Variants in FRMD6 observed in about 807,000 individuals in gnomAD.
FRMD6 encodes the protein FERM domain containing 6.
A neutral mutation model predicts 73.2 loss-of-function variants in FRMD6; 37 were observed. That is an observed-to-expected ratio of 0.51 (90% CI 0.39 to 0.66). FRMD6 has a LOEUF of 0.66. Ranked by LOEUF, FRMD6 falls within the 30% of genes least tolerant of loss-of-function variation. The probability of loss-of-function intolerance (pLI) is 0.00; values close to 1 mark genes in which losing one functional copy is unlikely to be tolerated. For synonymous variants in FRMD6, 273 were observed against 282.2 expected (o/e 0.97, Z 0.33); for missense variants, 714 against 780.5 (o/e 0.91, Z 1.02).
At chr14:51,414,908 T>A in the FRMD6 span, among the ~76,000 whole-genome samples, 4 of 152,102 alleles carry the variant, frequency 2.6e-5, no homozygotes, top group East Asian at 1.9e-4. Context: ...ATTCTCTTTG[T>A]AGCAATTGTG....
intron 2 of FRMD6, among the ~76,000 whole-genome samples, chr14:51,573,387 G>A (rs542495380): frequency 5.7e-4 from 87 of 152,284 alleles, no homozygotes; most frequent in Non-Finnish European, 1.0e-3. Flanking sequence ...GCCAATGAGA[G>A]ACAAAGGAGC....
chr14:51,694,929 T>A (rs1431268992), intron 2 of FRMD6, among the ~76,000 whole-genome samples: 2 of 151,984 alleles, frequency 1.3e-5, no homozygotes, highest in Admixed American at 1.3e-4. Context: ...TATTTAATTA[T>A]AGTTTTTGAA....
At chr14:51,592,317 T>G (rs1168757822) in intron 2 of FRMD6, among the ~76,000 whole-genome samples, 1 of 152,230 alleles carries the variant, frequency 6.6e-6, no homozygotes, top group Non-Finnish European at 1.5e-5. Context: ...TGCTGAACTA[T>G]AGCTCTGTAA....
intron 1 of FRMD6, among the ~76,000 whole-genome samples, chr14:51,541,132 T>C (rs909256190): frequency 2.6e-5 from 4 of 152,116 alleles, no homozygotes; most frequent in African/African-American, 9.7e-5. Context: ...TGAGTACTCA[T>C]AGGCAAGTTT....
At chr14:51,630,538 C>G (rs983852458) in intron 2 of FRMD6, among the ~76,000 whole-genome samples, 1 of 152,130 alleles carries the variant, frequency 6.6e-6, no homozygotes, top group African/African-American at 2.4e-5. Context: ...CTGCTTGAGG[C>G]CAGGCATTTG....
intron 1 of FRMD6, among the ~76,000 whole-genome samples, chr14:51,530,987 G>A (rs768641232): frequency 3.3e-5 from 5 of 152,180 alleles, no homozygotes; most frequent in Non-Finnish European, 7.3e-5. Flanking sequence ...CCAGCATCTG[G>A]TGAGGGTTTT....
chr14:51,620,413 T>C (rs1348087066), intron 2 of FRMD6, among the ~76,000 whole-genome samples: 1 of 151,830 alleles, frequency 6.6e-6, no homozygotes, highest in Non-Finnish European at 1.5e-5. Flanking sequence ...TGGCGCATGG[T>C]TGGGGATTGG....
chr14:51,465,785 T>C, the FRMD6 span, among the ~76,000 whole-genome samples: 1 of 152,118 alleles, frequency 6.6e-6, no homozygotes, highest in East Asian at 1.9e-4. Flanking sequence ...TGTGCAAACA[T>C]GTTTTCTTTT....
the FRMD6 span, among the ~76,000 whole-genome samples, chr14:51,448,205 C>T: frequency 2.0e-5 from 3 of 152,190 alleles, no homozygotes; most frequent in African/African-American, 7.2e-5. Context: ...TGATCATTCT[C>T]TTTATCATCT....
chr14:51,647,567 CTTAA>C (rs1892133475), upstream of FRMD6, among the ~76,000 whole-genome samples: 1 of 151,998 alleles, frequency 6.6e-6, no homozygotes, highest in South Asian at 2.1e-4. Context: ...TAAAGTAGGA[CTTAA>C]TTAAATTTAT....
intron 1 of FRMD6, among the ~76,000 whole-genome samples, chr14:51,510,945 T>G (rs936233987): frequency 2.6e-5 from 4 of 152,122 alleles, no homozygotes; most frequent in African/African-American, 9.7e-5. Context: ...CTGCTCAGGG[T>G]CCACCTGAGG....
chr14:51,529,485 C>A (rs59478697), intron 1 of FRMD6, among the ~76,000 whole-genome samples: 16,410 of 151,692 alleles, frequency 0.11, 1,014 homozygotes, highest in South Asian at 0.19. Flanking sequence ...AGAGAGAGAG[C>A]GAGCACAACT....
At chr14:51,565,935 C>A (rs183604535) in intron 1 of FRMD6, among the ~76,000 whole-genome samples, 1 of 152,216 alleles carries the variant, frequency 6.6e-6, no homozygotes, top group South Asian at 2.1e-4. Flanking sequence ...GAGGCCGAGG[C>A]GGGCAGATCA....
At chr14:51,651,208 C>G (rs868384385), upstream of FRMD6, 3 of 152,330 alleles carry the variant, frequency 2.0e-5, no homozygotes, top group African/African-American at 7.2e-5. Context: ...GAGGCTGTGT[C>G]TACCTGAGGA....
At chr14:51,411,679 A>C in the FRMD6 span, among the ~76,000 whole-genome samples, 1 of 152,270 alleles carries the variant, frequency 6.6e-6, no homozygotes, top group East Asian at 1.9e-4. Flanking sequence ...AAGAATATAA[A>C]TAGCACAATT....
At position 51,721,987 on chromosome 14, in the gene FRMD6, C is replaced by T; in HGVS notation, c.1399C>T (p.Gln467Ter). The change falls in exon 12 of 14, where the codon CAG (glutamine) becomes TAG (stop). Residue 467 changes from glutamine (Q) to a stop codon, truncating the protein, a stop_gained. Coordinates refer to ENST00000344768, the MANE Select transcript of FRMD6 (RefSeq NM_001267046.2). LOFTEE classifies it high-confidence loss of function. ...GGTTGATGACCCCCGGGATCTGGAG[C>T]AGATGAATGAAGAGTCTCTGGAAGT... ...MLVDDPRDLE[Q>*]MNEESLEVSP... 1 of 1,614,082 alleles carries T rather than the reference C, an allele frequency of 6.2e-7. No individual in the cohort carries two copies. The highest frequency in any genetic ancestry group is 8.5e-7 in the Non-Finnish European group (1 of 1,179,992).
chr14:51,536,713 G>A (rs1349826989), intron 1 of FRMD6, among the ~76,000 whole-genome samples: 1 of 152,162 alleles, frequency 6.6e-6, no homozygotes, highest in Non-Finnish European at 1.5e-5. Flanking sequence ...CACCGCACCT[G>A]GCCTCTTGTC....
At chr14:51,451,106 C>T in the FRMD6 span, among the ~76,000 whole-genome samples, 1 of 152,308 alleles carries the variant, frequency 6.6e-6, no homozygotes, top group South Asian at 2.1e-4. Context: ...AGAGATAGGA[C>T]ATGCCAGGAA....
At chr14:51,529,079 G>A (rs954582778) in intron 1 of FRMD6, among the ~76,000 whole-genome samples, 5 of 152,186 alleles carry the variant, frequency 3.3e-5, no homozygotes, top group Admixed American at 1.3e-4. Context: ...GTTGGTCTTG[G>A]GGGACATGCT....
Sources: allele counts gnomAD v4.1 joint callset (sites outside exome capture counted in the v4.1 genomes callset), GRCh38; gene constraint gnomAD v4.1.1; transcripts MANE v1.5; gene names NCBI Gene and HGNC (gene_info 2026-07-23, HGNC 2026-07-21).